The following NTM variants were observed in gnomAD, a reference collection of about 807,000 sequenced individuals.
NTM encodes the protein neurotrimin, also known as IgLON family member 2.
NTM carries 13 observed loss-of-function variants against 42.1 expected under a neutral mutation model. That is an observed-to-expected ratio of 0.31 (90% CI 0.20 to 0.49). The LOEUF is 0.49. Among genes scored for constraint, NTM ranks in the 20% least tolerant of loss-of-function variants. The pLI is 0.99. For missense variants in NTM, 373 were observed against 452.8 expected (o/e 0.82, Z 1.60); for synonymous variants, 187 against 179.2 (o/e 1.04, Z -0.35).
intron 1 of NTM, among the ~76,000 whole-genome samples, chr11:131,544,799 G>T (rs930750248): frequency 6.6e-6 from 1 of 152,176 alleles, no homozygotes; most frequent in Non-Finnish European, 1.5e-5. Context: ...TCCTGGGGGC[G>T]CCGCTTGCTC....
intron 1 of NTM, among the ~76,000 whole-genome samples, chr11:131,627,219 A>AT (rs143207154): frequency 0.043 from 6,063 of 139,596 alleles, 167 homozygotes; most frequent in Non-Finnish European, 0.052. Flanking sequence ...GGCGGCTTTT[A>AT]TTTATTTATT....
chr11:131,812,638 G>A (rs1342843936), intron 1 of NTM, among the ~76,000 whole-genome samples: 1 of 152,120 alleles, frequency 6.6e-6, no homozygotes, highest in Non-Finnish European at 1.5e-5. Flanking sequence ...ACAAATGCCT[G>A]AGAGGAGCTA....
chr11:132,188,418 A>C (rs2078772736), intron 3 of NTM, among the ~76,000 whole-genome samples: 1 of 152,150 alleles, frequency 6.6e-6, no homozygotes, highest in African/African-American at 2.4e-5. Context: ...GTACTTTCAG[A>C]AATGAAGAGG....
chr11:132,164,860 C>T (rs544352685), intron 3 of NTM, among the ~76,000 whole-genome samples: 7 of 152,290 alleles, frequency 4.6e-5, no homozygotes, highest in African/African-American at 1.7e-4. Context: ...CAATACCATC[C>T]AACAAAGATG....
chr11:131,831,845 C>T (rs1458451871), intron 1 of NTM, among the ~76,000 whole-genome samples: 1 of 151,568 alleles, frequency 6.6e-6, no homozygotes, highest in Non-Finnish European at 1.5e-5. Context: ...CTCCGGGTTT[C>T]TGAGTCCTTT....
chr11:131,695,058 GGA>G (rs1205470920), intron 1 of NTM, among the ~76,000 whole-genome samples: 1 of 152,186 alleles, frequency 6.6e-6, no homozygotes, highest in Non-Finnish European at 1.5e-5. Context: ...GGAGGGTGCA[GGA>G]GAGAGCTGTC....
At chr11:132,072,719 G>A (rs1299347256) in intron 2 of NTM, among the ~76,000 whole-genome samples, 1 of 152,106 alleles carries the variant, frequency 6.6e-6, no homozygotes, top group Non-Finnish European at 1.5e-5. Flanking sequence ...CAGTTCAGTT[G>A]GAGAGTGCCG....
rs539551021 is a variant in NTM, at chr11:131,711,316, C to T, written c.83-200248C>T. On this transcript the variant is annotated intron_variant, in intron 1 of 8. Coordinates refer to ENST00000683400, the MANE Select transcript of NTM (RefSeq NM_001352005.2). ...ACAAACAACCCCATCAAAAAGTGGG[C>T]GAAGTACATGAACAGACACTTCTCA... Among the ~76,000 whole-genome samples the T allele has an allele frequency of 9.0e-3, 1,377 of 152,160 alleles. 25 individuals are homozygous for T. The highest frequency in any genetic ancestry group is 0.027 in the African/African-American group (1,122 of 41,504).
chr11:131,460,231 C>A (rs1453321433), intron 1 of NTM, among the ~76,000 whole-genome samples: 1 of 152,130 alleles, frequency 6.6e-6, no homozygotes, highest in Non-Finnish European at 1.5e-5. Context: ...ATAGAAGGAA[C>A]AGAGGGAGCC....
At chr11:131,986,392 T>C (rs1009273442) in intron 2 of NTM, among the ~76,000 whole-genome samples, 1 of 152,236 alleles carries the variant, frequency 6.6e-6, no homozygotes, top group Non-Finnish European at 1.5e-5. Context: ...TTAAATCACT[T>C]TGCAGACTAC....
At chr11:131,904,603 G>A (rs1030834829) in intron 1 of NTM, among the ~76,000 whole-genome samples, 2 of 152,168 alleles carry the variant, frequency 1.3e-5, no homozygotes. Flanking sequence ...AAGAAGCTTT[G>A]GATTCAGCCA....
intron 2 of NTM, among the ~76,000 whole-genome samples, chr11:132,128,846 G>A (rs898886325): frequency 6.7e-6 from 1 of 150,252 alleles, no homozygotes; most frequent in African/African-American, 2.5e-5. Context: ...GCTGAGGCAG[G>A]AGAATGGCAT....
At chr11:131,824,349 G>A (rs114582638) in intron 1 of NTM, among the ~76,000 whole-genome samples, 5 of 152,146 alleles carry the variant, frequency 3.3e-5, no homozygotes, top group Admixed American at 6.5e-5. Context: ...TTGAGTGTCC[G>A]CTAAGCTCCA....
At chr11:131,850,407 A>T (rs908498872) in intron 1 of NTM, among the ~76,000 whole-genome samples, 1 of 152,178 alleles carries the variant, frequency 6.6e-6, no homozygotes, top group Non-Finnish European at 1.5e-5. Context: ...CTGATGATAC[A>T]GTGCTAAGAA....
chr11:131,465,954 G>C (rs78753704), intron 1 of NTM, among the ~76,000 whole-genome samples: 1,531 of 152,334 alleles, frequency 0.01, 25 homozygotes, highest in African/African-American at 0.035. Flanking sequence ...CCACAAGGGG[G>C]CATGGCCCTT....
At chr11:131,866,220 C>T (rs970569532) in intron 1 of NTM, among the ~76,000 whole-genome samples, 19 of 152,240 alleles carry the variant, frequency 1.2e-4, no homozygotes, top group Non-Finnish European at 2.4e-4. Flanking sequence ...CACATGCATG[C>T]GTTGGCAGGT....
intron 2 of NTM, among the ~76,000 whole-genome samples, chr11:132,126,962 C>T (rs905925036): frequency 1.3e-5 from 2 of 152,216 alleles, no homozygotes; most frequent in Non-Finnish European, 2.9e-5. Flanking sequence ...AACTATTTAA[C>T]TTGCTTCTTT....
chr11:132,248,260 C>T lies in NTM; in HGVS notation c.526+36113C>T, dbSNP rs547148626. 2.6e-5 allele frequency among the ~76,000 whole-genome samples: 4 copies of T among 152,308 alleles called. No homozygotes were observed. In the South Asian group the frequency reaches 8.3e-4, roughly 32 times the overall value. ...GAGTTGAGATAATAATAGTCTTTTT[C>T]TGATCCCCTGAACTTTCCCATCTGC... On this transcript the variant is annotated intron_variant, in intron 4 of 8. Coordinates refer to ENST00000683400, the MANE Select transcript of NTM (RefSeq NM_001352005.2).
chr11:131,778,497 A>G (rs183399006), intron 1 of NTM, among the ~76,000 whole-genome samples: 10 of 152,194 alleles, frequency 6.6e-5, no homozygotes, highest in African/African-American at 1.9e-4. Flanking sequence ...TTATGAATTG[A>G]ATGGAAGTCA....
Sources: allele counts gnomAD v4.1 joint callset (sites outside exome capture counted in the v4.1 genomes callset), GRCh38; gene constraint gnomAD v4.1.1; transcripts MANE v1.5; gene names NCBI Gene and HGNC (gene_info 2026-07-23, HGNC 2026-07-21).